RP1: variants seen among roughly 807,000 people sequenced by gnomAD.
The protein encoded by RP1 is RP1 axonemal microtubule associated.
RP1 carries 16 observed loss-of-function variants against 14.8 expected under a neutral mutation model. That is an observed-to-expected ratio of 1.08 (90% CI 0.73 to 1.65). RP1 has a LOEUF of 1.65. Ranked by LOEUF, RP1 falls within the 40% of genes most tolerant of loss-of-function variation. The pLI is 0.00. For missense variants in RP1, 2,631 were observed against 2,535.0 expected, an observed-to-expected ratio of 1.04 and a Z score of -0.81; for synonymous variants, 876 against 883.6, an observed-to-expected ratio of 0.99 and a Z score of 0.15.
intron 25 of RP1, chr8:54,837,695 T>A: frequency 8.5e-7 from 1 of 1,169,620 alleles, no homozygotes; most frequent in East Asian, 3.2e-5. Flanking sequence ...TCCTTTGTGA[T>A]GTGTATTGAA....
intron 15 of RP1, among the ~76,000 whole-genome samples, chr8:54,707,670 C>T (rs868125904): frequency 6.6e-6 from 1 of 152,218 alleles, no homozygotes; most frequent in South Asian, 2.1e-4. Flanking sequence ...TAAGGAAGAA[C>T]TTGCATGAGC....
At chr8:54,825,277 G>T (rs2129398562) in intron 24 of RP1, among the ~76,000 whole-genome samples, 1 of 152,296 alleles carries the variant, frequency 6.6e-6, no homozygotes, top group Admixed American at 6.5e-5. Context: ...TATTCTTAAT[G>T]GCAAAAAGCT....
At chr8:54,774,711 A>G (rs748050470), downstream of RP1, among the ~76,000 whole-genome samples, 1 of 152,156 alleles carries the variant, frequency 6.6e-6, no homozygotes, top group East Asian at 1.9e-4. Flanking sequence ...CAAAATACCC[A>G]TAACTCAACA....
chr8:54,724,025 A>G (rs1808594559), intron 16 of RP1, among the ~76,000 whole-genome samples: 2 of 152,182 alleles, frequency 1.3e-5, no homozygotes, highest in African/African-American at 4.8e-5. Context: ...TTACTTTTTT[A>G]TTACAATAAG....
chr8:54,656,376 T>C (rs1806755272), intron 6 of RP1, among the ~76,000 whole-genome samples: 1 of 152,220 alleles, frequency 6.6e-6, no homozygotes, highest in African/African-American at 2.4e-5. Flanking sequence ...AAATGCTTTT[T>C]AGTTGTTTCA....
intron 1 of RP1, among the ~76,000 whole-genome samples, chr8:54,608,967 A>G (rs747221961): frequency 7.9e-5 from 12 of 152,144 alleles, no homozygotes; most frequent in Non-Finnish European, 1.8e-4. Context: ...GGAGGACTTT[A>G]TGTTGCAGAC....
intron 10 of RP1, chr8:54,679,556 G>T: frequency 4.6e-6 from 7 of 1,535,832 alleles, no homozygotes; most frequent in Non-Finnish European, 6.1e-6. Context: ...GAGAAAGCAT[G>T]ACACTTCTGA....
intron 27 of RP1, among the ~76,000 whole-genome samples, chr8:54,857,657 C>A (rs536551471): frequency 6.6e-6 from 1 of 152,022 alleles, no homozygotes; most frequent in African/African-American, 2.4e-5. Context: ...TGTGTGCATG[C>A]GTGTGTGTGA....
intron 2 of RP1, among the ~76,000 whole-genome samples, 168 bp from the exon 3 acceptor site, chr8:54,621,949 A>G (rs1329383186): frequency 6.6e-6 from 1 of 152,142 alleles, no homozygotes. Flanking sequence ...CAACCTTGAC[A>G]TTTGGTATTT....
At chr8:54,600,134 A>C (rs909406901) in intron 1 of RP1, among the ~76,000 whole-genome samples, 4 of 152,148 alleles carry the variant, frequency 2.6e-5, no homozygotes, top group African/African-American at 9.7e-5. Flanking sequence ...GTGGGAGGTA[A>C]CTGAATGATG....
chr8:54,782,500 T>C (rs542058584), intron 23 of RP1, among the ~76,000 whole-genome samples: 5 of 152,218 alleles, frequency 3.3e-5, no homozygotes, highest in African/African-American at 1.2e-4. Context: ...ATTTTGGAAA[T>C]ATAAAAAATA....
intron 16 of RP1, among the ~76,000 whole-genome samples, chr8:54,722,487 G>T (rs112879587): frequency 6.6e-6 from 1 of 151,946 alleles, no homozygotes; most frequent in South Asian, 2.1e-4. Context: ...AGCCAGGATG[G>T]TCTCAATCTC....
At chr8:54,670,512 T>G (rs1442302716) in intron 7 of RP1, among the ~76,000 whole-genome samples, 1 of 51,314 alleles carries the variant, frequency 1.9e-5, no homozygotes. Flanking sequence ...TATACACATA[T>G]ATATGTATGT....
rs751632799 is a variant in RP1 at position 54,628,727 on chromosome 8, C to T, written c.4845C>T (p.Gly1615=). 16 of 1,613,832 alleles carry T rather than the reference C, an allele frequency of 9.9e-6. No homozygotes were observed. Among genetic ancestry groups the T allele is most frequent in the Middle Eastern group, 1.6e-4 (1 of 6,082 alleles). ...KTSSDDPNDS[G]ELTQEKEYNI... is the part of the protein sequence containing the mutation. Reference sequence around the variant, plus strand: ...CCAGTGATGATCCCAATGACAGTGGCGAACTTACCCAAGAGAAAGAATATA... The same window carrying T: ...CCAGTGATGATCCCAATGACAGTGGTGAACTTACCCAAGAGAAAGAATATA... The change falls in exon 4 of 4, where the codon GGC becomes GGT. Residue 1615 remains glycine (G), a synonymous_variant. Transcript: ENST00000220676.
At chr8:54,638,908 C>CT (rs1806405576) in intron 3 of RP1, among the ~76,000 whole-genome samples, 2 of 43,390 alleles carry the variant, frequency 4.6e-5, no homozygotes, top group African/African-American at 2.6e-4. Flanking sequence ...CTCTCTCTCT[C>CT]GGTCTCTCTC....
intron 17 of RP1, among the ~76,000 whole-genome samples, chr8:54,730,195 T>C (rs947994476): frequency 6.6e-6 from 1 of 152,052 alleles, no homozygotes; most frequent in African/African-American, 2.4e-5. Flanking sequence ...ATAAATTCTT[T>C]TGGCCTATAA....
rs896444003 is a variant in RP1 at position 54,706,125 on chromosome 8, A to G, written c.1999-318A>G. On this transcript the variant is annotated intron_variant, in intron 14 of 22. Coordinates refer to the RP1 transcript ENST00000636932. The stretch of plus-strand genomic sequence containing the variant: ...TTATAGCATATTTTTATTGTGCTTT[A>G]TATTAATATTAACATTATTTGTTTA... Among the ~76,000 whole-genome samples the G allele has an allele frequency of 4.6e-5, 7 of 152,234 alleles. No individual in the cohort carries two copies. The East Asian group carries it at 1.4e-3, about 29-fold the overall frequency.
At chr8:54,636,630 C>T (rs868510960) in intron 3 of RP1, among the ~76,000 whole-genome samples, 11 of 151,996 alleles carry the variant, frequency 7.2e-5, no homozygotes, top group South Asian at 4.2e-4. Context: ...CCTAGCTACT[C>T]GGGAGGCTGA....
chr8:54,707,708 T>C (rs918934622), intron 15 of RP1, among the ~76,000 whole-genome samples: 6 of 152,246 alleles, frequency 3.9e-5, no homozygotes, highest in Non-Finnish European at 5.9e-5. Context: ...GGGAGGACTT[T>C]GACCTTTCAT....
Sources: gnomAD v4.1 joint callset for allele counts (sites outside exome capture counted in the v4.1 genomes callset) on GRCh38, gnomAD v4.1.1 for gene constraint, MANE v1.5 for transcripts, NCBI Gene and HGNC (gene_info 2026-07-23, HGNC 2026-07-21) for gene names.